Variants in ERICH1 observed in about 807,000 individuals in gnomAD.
The protein encoded by ERICH1 is glutamate-rich protein 1.
In ERICH1, 56 loss-of-function variants were observed where a neutral mutation model predicts 39.6. That is an observed-to-expected ratio of 1.41 (90% CI 1.14 to 1.77). The LOEUF (loss-of-function observed/expected upper bound fraction) is 1.77, where lower values mean the gene tolerates loss of function less well. ERICH1 is among the 40% of genes most tolerant of loss of function. ERICH1 has a pLI of 0.00. For missense variants in ERICH1, 826 were observed against 575.4 expected, an observed-to-expected ratio of 1.44 and a Z score of -4.45; for synonymous variants, 313 against 223.6, an observed-to-expected ratio of 1.40 and a Z score of -3.57.
intron 3 of ERICH1, among the ~76,000 whole-genome samples, chr8:638,274 G>C (rs1798604883): frequency 6.6e-6 from 1 of 152,198 alleles, no homozygotes; most frequent in South Asian, 2.1e-4. Context: ...ACAGGGCTTT[G>C]GGCTAGTTCC....
chr8:651,512 G>C (rs887876017), intron 3 of ERICH1, among the ~76,000 whole-genome samples: 5 of 152,166 alleles, frequency 3.3e-5, no homozygotes, highest in Non-Finnish European at 7.3e-5. Flanking sequence ...GCAGGAGCCA[G>C]CCCGGAGAGG....
Position 664,214 on chromosome 8 carries a change from C to T in ERICH1, c.*389G>A. 1 of 988,846 alleles carries T rather than the reference C, an allele frequency of 1.0e-6. No homozygotes were observed. The highest frequency in any genetic ancestry group is 1.2e-6 in the Non-Finnish European group (1 of 831,938). The allele number at this position is 988,846 out of a possible 1,614,324, so 61.3% of individuals were successfully genotyped here. A position where few individuals can be genotyped will look rare whatever the true frequency, so the allele number is the denominator to read the frequency against. ...TATATTCAAACTACTTAAACTAGAA[C>T]ATTTTAATACCCAGAAAGCATTCTT... On this transcript the variant is annotated 3_prime_UTR_variant, in exon 6 of 6. Coordinates refer to ENST00000262109, the MANE Select transcript of ERICH1 (RefSeq NM_207332.3).
chr8:668,256 GCA>G, intron 5 of ERICH1: 1 of 336,600 alleles, frequency 3.0e-6, no homozygotes, highest in Non-Finnish European at 5.6e-6. Context: ...TTGGAGGTAA[GCA>G]AAAATTTACC....
downstream of ERICH1, among the ~76,000 whole-genome samples, chr8:661,479 C>G (rs186266222): frequency 3.7e-4 from 57 of 152,310 alleles, 1 homozygote; most frequent in Middle Eastern, 6.8e-3. Context: ...GCACAACTGT[C>G]TTAATATTGG....
intron 2 of ERICH1, among the ~76,000 whole-genome samples, chr8:711,126 A>G (rs1347085876): frequency 3.3e-5 from 5 of 152,218 alleles, no homozygotes; most frequent in Admixed American, 2.0e-4. Flanking sequence ...ACATCTTTAC[A>G]TAGGATTATT....
intron 1 of ERICH1, among the ~76,000 whole-genome samples, chr8:719,544 T>C (rs1490394752): frequency 6.6e-6 from 1 of 152,194 alleles, no homozygotes; most frequent in East Asian, 1.9e-4. Context: ...CTCTCTTTCC[T>C]TCATAACCAA....
chr8:728,419 G>A (rs1232961393), intron 1 of ERICH1, among the ~76,000 whole-genome samples: 1 of 152,182 alleles, frequency 6.6e-6, no homozygotes. Flanking sequence ...CACCCGGGCA[G>A]CTCCTAAGGT....
chr8:672,570 C>G (rs541920516), intron 4 of ERICH1, among the ~76,000 whole-genome samples: 1 of 152,158 alleles, frequency 6.6e-6, no homozygotes, highest in Non-Finnish European at 1.5e-5. Context: ...TGAAAAGACA[C>G]CTATACCCAC....
intron 2 of ERICH1, 118 bp from the exon 3 acceptor site, chr8:692,730 G>C (rs764433898): frequency 2.4e-6 from 3 of 1,229,766 alleles, no homozygotes; most frequent in Non-Finnish European, 3.3e-6. Flanking sequence ...AAATCAAAGA[G>C]CTCAATAAAA....
chr8:655,139 G>C (rs4735898), intron 3 of ERICH1, among the ~76,000 whole-genome samples: 1 of 152,022 alleles, frequency 6.6e-6, no homozygotes, highest in African/African-American at 2.4e-5. Context: ...CCAAGCCCAC[G>C]CCAAGTCGGC....
At chr8:623,715 A>T (rs1418440081) in intron 3 of ERICH1, among the ~76,000 whole-genome samples, 1 of 152,150 alleles carries the variant, frequency 6.6e-6, no homozygotes, top group East Asian at 1.9e-4. Flanking sequence ...ATGAAGTTGA[A>T]CCCCTTTCTT....
intron 3 of ERICH1, among the ~76,000 whole-genome samples, chr8:631,494 G>A (rs542586979): frequency 1.5e-4 from 23 of 152,306 alleles, no homozygotes; most frequent in African/African-American, 3.6e-4. Context: ...TTAACAGTCC[G>A]ATGTCTGCGC....
intron 3 of ERICH1, among the ~76,000 whole-genome samples, chr8:624,758 G>T (rs921540999): frequency 6.6e-6 from 1 of 151,108 alleles, no homozygotes; most frequent in Non-Finnish European, 1.5e-5. Context: ...AGACAGTCTC[G>T]CTCTGTCACC....
chr8:698,936 G>A (rs1811024433), intron 2 of ERICH1, among the ~76,000 whole-genome samples: 1 of 150,166 alleles, frequency 6.7e-6, no homozygotes, highest in Non-Finnish European at 1.5e-5. Flanking sequence ...AGGCTCTCCA[G>A]GATCATCCTG....
rs1804060997 is a variant in ERICH1, at chr8:673,920, C to A, written c.432G>T (p.Gln144His). ...CTGTGTGCTGTCGCTGAGATTTCTC[C>A]TGTAACAGACTCTGCTGTTTCTCTA... Reference protein sequence around the residue: ...AELEKQQSLLQEKSQRQHTDG... With the variant: ...AELEKQQSLLHEKSQRQHTDG... The change falls in exon 4 of 6, where the codon CAG (glutamine) becomes CAT (histidine). Residue 144 changes from glutamine (Q) to histidine (H), a missense_variant. Transcript: ENST00000262109. 6.2e-7 allele frequency: 1 copy of A among 1,613,218 alleles called. No homozygotes were observed.
At chr8:629,674 C>A (rs1487495303) in intron 3 of ERICH1, among the ~76,000 whole-genome samples, 1 of 145,790 alleles carries the variant, frequency 6.9e-6, no homozygotes, top group Non-Finnish European at 1.5e-5. Context: ...CCCACAGAGA[C>A]AGAGCTGACT....
chr8:673,340 G>A lies in ERICH1; in HGVS notation c.1012C>T (p.His338Tyr), dbSNP rs978800044. 3 of 1,613,814 alleles carry A rather than the reference G, an allele frequency of 1.9e-6. No homozygotes were observed. The highest frequency in any genetic ancestry group is 1.7e-6 in the Non-Finnish European group (2 of 1,179,854). The stretch of plus-strand genomic sequence containing the variant: ...GACTTCAAAAAATTTAGAATACTGT[G>A]TGCCTTTTCATTGGTAATTGTATCA... ...EDDTITNEKA[H>Y]SILNFLKSTQ... The change falls in exon 4 of 6, where the codon CAC (histidine) becomes TAC (tyrosine). Residue 338 changes from histidine to tyrosine, a missense_variant. Coordinates refer to ENST00000262109, the MANE Select transcript of ERICH1 (RefSeq NM_207332.3).
In ERICH1 at chr8:692,420, T is replaced by C. The variant is rs1004957537; in HGVS notation, c.304+58A>G. 4 of 1,609,978 alleles carry C rather than the reference T, an allele frequency of 2.5e-6. No homozygotes were observed. The African/African-American group carries it at 4.0e-5, about 16-fold the overall frequency. Reference sequence around the variant, plus strand: ...TAAAGGTATTACAATACCAGAAAATTGGGAAATACGAGCTTATCTGCAAAG... The same window carrying C: ...TAAAGGTATTACAATACCAGAAAATCGGGAAATACGAGCTTATCTGCAAAG... On this transcript the variant is annotated intron_variant, in intron 3 of 5. Coordinates refer to ENST00000262109, the MANE Select transcript of ERICH1 (RefSeq NM_207332.3).
intron 3 of ERICH1, among the ~76,000 whole-genome samples, chr8:643,195 G>A (rs921194096): frequency 6.6e-6 from 1 of 152,208 alleles, no homozygotes; most frequent in African/African-American, 2.4e-5. Context: ...TCTGCCTCTC[G>A]TTAAACATTG....
Sources: gnomAD v4.1 joint callset for allele counts (sites outside exome capture counted in the v4.1 genomes callset) on GRCh38, gnomAD v4.1.1 for gene constraint, MANE v1.5 for transcripts, NCBI Gene and HGNC (gene_info 2026-07-23, HGNC 2026-07-21) for gene names.